RPS6KA2: variants seen among roughly 807,000 people sequenced by gnomAD.
The protein encoded by RPS6KA2 is ribosomal protein S6 kinase A2, also known as ribosomal protein S6 kinase alpha-2.
A neutral mutation model predicts 91.8 loss-of-function variants in RPS6KA2; 42 were observed. The observed-to-expected ratio is 0.46, with a 90% CI of 0.36 to 0.59. The LOEUF (loss-of-function observed/expected upper bound fraction) is 0.59. Among genes scored for constraint, RPS6KA2 ranks in the 20% least tolerant of loss-of-function variants. The probability of loss-of-function intolerance (pLI) is 0.00; values close to 1 mark genes in which losing one functional copy is unlikely to be tolerated. For synonymous variants in RPS6KA2, 414 were observed against 393.6 expected (o/e 1.05, Z -0.61); for missense variants, 798 against 978.5 (o/e 0.82, Z 2.46).
At chr6:166,531,182 A>T in intron 3 of RPS6KA2, 50 bp downstream of exon 3, 1 of 1,178,748 alleles carries the variant, frequency 8.5e-7, no homozygotes, top group Admixed American at 1.7e-5. Context: ...AACGGAGTAG[A>T]AATTGCAGTT....
intron 2 of RPS6KA2, among the ~76,000 whole-genome samples, chr6:166,668,283 C>G (rs1788374346): frequency 2.0e-5 from 3 of 152,168 alleles, no homozygotes; most frequent in Non-Finnish European, 4.4e-5. Context: ...TCGTTCCTTC[C>G]CTTGTGTGGG....
Position 166,488,813 on chromosome 6 carries a change from G to T in RPS6KA2, c.907+20C>A. 5 of 1,596,546 alleles carry T rather than the reference G, an allele frequency of 3.1e-6. 1 individual carries two copies. In the South Asian group the frequency reaches 4.4e-5, roughly 14 times the overall value. On this transcript the variant is annotated intron_variant, in intron 10 of 20. Transcript: ENST00000265678. The stretch of plus-strand genomic sequence containing the variant: ...AGCGCCCTGCACGTTCCCGTGGTGG[G>T]GTGTCCCGGGGAATCTTACCCAGCC...
intron 1 of RPS6KA2, among the ~76,000 whole-genome samples, chr6:166,549,489 C>G (rs1297714864): frequency 2.0e-5 from 3 of 152,212 alleles, no homozygotes; most frequent in Non-Finnish European, 4.4e-5. Context: ...GAACAAACTA[C>G]TGTTAGTCAC....
At chr6:166,682,233 C>T (rs1302102362) in intron 2 of RPS6KA2, among the ~76,000 whole-genome samples, 1 of 152,166 alleles carries the variant, frequency 6.6e-6, no homozygotes, top group African/African-American at 2.4e-5. Flanking sequence ...AACATAAAAG[C>T]TCAATTAAAA....
At chr6:166,798,903 A>G (rs1343542026) in intron 2 of RPS6KA2, among the ~76,000 whole-genome samples, 2 of 152,176 alleles carry the variant, frequency 1.3e-5, no homozygotes, top group Non-Finnish European at 1.5e-5. Context: ...TCAGCAGCCA[A>G]TTGTACCCAG....
chr6:166,743,200 A>G (rs199830738), intron 2 of RPS6KA2, among the ~76,000 whole-genome samples: 1 of 147,004 alleles, frequency 6.8e-6, no homozygotes, highest in Non-Finnish European at 1.5e-5. Context: ...AACTGTCACC[A>G]AAACACGGTT....
chr6:166,454,268 G>T (rs951358746), intron 12 of RPS6KA2, among the ~76,000 whole-genome samples: 2 of 152,194 alleles, frequency 1.3e-5, no homozygotes, highest in Non-Finnish European at 2.9e-5. Context: ...GGGAGGCTGA[G>T]GTGGGCAGAT....
At chr6:166,674,074 C>T (rs951053129) in intron 2 of RPS6KA2, among the ~76,000 whole-genome samples, 2 of 152,208 alleles carry the variant, frequency 1.3e-5, no homozygotes, top group Non-Finnish European at 2.9e-5. Flanking sequence ...GTTGATTCTT[C>T]TTTCTGATCA....
At chr6:166,479,545 AGGTGGCAGCAT>A (rs1781112167) in intron 10 of RPS6KA2, among the ~76,000 whole-genome samples, 1 of 152,172 alleles carries the variant, frequency 6.6e-6, no homozygotes, top group African/African-American at 2.4e-5. Context: ...AGCCATGGTG[AGGTGGCAGCAT>A]GGTCCTGCTA....
At chr6:166,712,975 C>T (rs1032363358) in intron 2 of RPS6KA2, among the ~76,000 whole-genome samples, 3 of 152,242 alleles carry the variant, frequency 2.0e-5, no homozygotes, top group Admixed American at 2.0e-4. Context: ...CCGACAGCCT[C>T]ATTAGAAATG....
At chr6:166,782,407 G>A (rs760323025) in intron 2 of RPS6KA2, among the ~76,000 whole-genome samples, 3 of 152,166 alleles carry the variant, frequency 2.0e-5, no homozygotes, top group Non-Finnish European at 4.4e-5. Context: ...CACAAGTCCA[G>A]CCTATCTGGG....
intron 2 of RPS6KA2, among the ~76,000 whole-genome samples, chr6:166,652,335 G>A (rs1206947804): frequency 6.6e-6 from 1 of 152,100 alleles, no homozygotes; most frequent in African/African-American, 2.4e-5. Flanking sequence ...ACTGTCCTTG[G>A]GAAGTATACA....
intron 10 of RPS6KA2, among the ~76,000 whole-genome samples, chr6:166,479,708 A>G (rs1433227939): frequency 6.6e-6 from 1 of 152,216 alleles, no homozygotes; most frequent in African/African-American, 2.4e-5. Flanking sequence ...GAAAAAGTCC[A>G]TATTGGCATG....
intron 2 of RPS6KA2, among the ~76,000 whole-genome samples, chr6:166,660,048 C>A (rs1328469804): frequency 6.6e-6 from 1 of 152,150 alleles, no homozygotes; most frequent in African/African-American, 2.4e-5. Flanking sequence ...TGAGCCACCA[C>A]ACCTGGCCAA....
chr6:166,500,568 A>G lies in RPS6KA2; in HGVS notation c.604+319T>C, dbSNP rs1781990810. 6.6e-6 allele frequency among the ~76,000 whole-genome samples: 1 copy of G among 152,208 alleles called. No individual in the cohort carries two copies. The highest frequency in any genetic ancestry group is 1.5e-5 in the Non-Finnish European group (1 of 68,036). On this transcript the variant is annotated intron_variant, in intron 7 of 20. Coordinates refer to ENST00000265678, the MANE Select transcript of RPS6KA2 (RefSeq NM_021135.6). This position sits in a 1 kb window ranked among gnomAD's most constrained non-coding sequence, Gnocchi z 4.3. ...GCAGGCTACACTCCAGCAAGACTCC[A>G]GATGTCTGCACTAAGGTCAGCACTG...
At chr6:166,496,899 T>A (rs1781805157) in intron 8 of RPS6KA2, among the ~76,000 whole-genome samples, 1 of 152,178 alleles carries the variant, frequency 6.6e-6, no homozygotes, top group Admixed American at 6.5e-5. Context: ...AAAGGCAACA[T>A]CAGACTTCCC....
intron 1 of RPS6KA2, among the ~76,000 whole-genome samples, chr6:166,580,465 T>C (rs1377024476): frequency 6.6e-6 from 1 of 152,214 alleles, no homozygotes; most frequent in Non-Finnish European, 1.5e-5. Context: ...ACACTCATGA[T>C]AGCTGATGAG....
At position 166,849,269 on chromosome 6, in the gene RPS6KA2, A is replaced by G. The variant is rs188091273; in HGVS notation, c.123+8931T>C. ...GTGGGTAGAGAAGTCTACGGTAACC[A>G]TGCCCCATGCCTCTGCTGGTATGGC... On this transcript the variant is annotated intron_variant, in intron 2 of 21. Coordinates refer to the RPS6KA2 transcript ENST00000503859. This position sits in a 1 kb window ranked among gnomAD's most constrained non-coding sequence, Gnocchi z 4.9. Among the ~76,000 whole-genome samples, 2 of 152,302 alleles carry G rather than the reference A, an allele frequency of 1.3e-5. No homozygotes were observed. The highest frequency in any genetic ancestry group is 6.5e-5 in the Admixed American group (1 of 15,304).
chr6:166,792,063 A>C (rs1779104643), intron 2 of RPS6KA2, among the ~76,000 whole-genome samples: 1 of 152,182 alleles, frequency 6.6e-6, no homozygotes, highest in Non-Finnish European at 1.5e-5. Flanking sequence ...CTCTTCAAAA[A>C]ATCAATGAAT....
Sources: gnomAD v4.1 joint callset for allele counts (sites outside exome capture counted in the v4.1 genomes callset) on GRCh38, gnomAD v4.1.1 for gene constraint, Gnocchi (gnomAD v3.1) non-coding constraint, MANE v1.5 for transcripts, NCBI Gene and HGNC (gene_info 2026-07-23, HGNC 2026-07-21) for gene names.